The following INSL6 variants were observed in gnomAD, a reference collection of about 807,000 sequenced individuals.
INSL6 encodes the protein insulin like 6, also known as insulin-like peptide INSL6.
In INSL6, 16 loss-of-function variants were observed where a neutral mutation model predicts 9.4. The ratio of observed to expected loss-of-function variants is 1.70; its 90% CI spans 1.15 to 2.59. The LOEUF (loss-of-function observed/expected upper bound fraction) is 2.59, where lower values mean the gene tolerates loss of function less well. Among genes scored for constraint, INSL6 ranks in the 30% most tolerant of loss-of-function variants. The pLI is 0.00. For synonymous variants in INSL6, 154 were observed against 96.9 expected, an observed-to-expected ratio of 1.59 and a Z score of -3.46; for missense variants, 391 against 257.3, an observed-to-expected ratio of 1.52 and a Z score of -3.56.
the INSL6 span, among the ~76,000 whole-genome samples, chr9:5,006,027 G>A: frequency 6.6e-6 from 1 of 152,168 alleles, no homozygotes; most frequent in Non-Finnish European, 1.5e-5. Context: ...CCAATTCTGT[G>A]AAGAAAGTCA....
chr9:5,164,190 T>C lies in INSL6; in HGVS notation c.365A>G (p.Tyr122Cys). The C allele has an allele frequency of 6.2e-7, 1 of 1,605,672 alleles. No homozygotes were observed. The change falls in exon 2 of 2, where the codon TAT (tyrosine) becomes TGT (cysteine). Residue 122 changes from tyrosine (Y) to cysteine (C), a missense_variant. Coordinates refer to ENST00000381641, the MANE Select transcript of INSL6 (RefSeq NM_007179.3). ...SLPEYKDKKG[Y>C]SPLGKTREFS... ...TTCTCTTGTCTTACCAAGGGGTGAATATCCCTTTTTATCCTTATACTCAGG... is the reference window on the plus strand; with the variant it reads ...TTCTCTTGTCTTACCAAGGGGTGAACATCCCTTTTTATCCTTATACTCAGG...
the INSL6 span, chr9:5,089,525 G>C: frequency 5.7e-6 from 2 of 350,992 alleles, no homozygotes; most frequent in East Asian, 4.3e-5. Context: ...GTGACAGAGC[G>C]AGACTTCGTC....
At chr9:5,174,281 T>G (rs764900957) in intron 1 of INSL6, among the ~76,000 whole-genome samples, 2 of 152,228 alleles carry the variant, frequency 1.3e-5, no homozygotes, top group Admixed American at 1.3e-4. Context: ...CAAAACTCCT[T>G]GATAGAGTTT....
chr9:5,101,646 C>T, the INSL6 span, among the ~76,000 whole-genome samples: 4 of 152,230 alleles, frequency 2.6e-5, no homozygotes, highest in Admixed American at 2.6e-4. Context: ...ACACCTCATA[C>T]AGGTGGGTGC....
At chr9:5,161,731 C>T (rs1363993763), downstream of INSL6, among the ~76,000 whole-genome samples, 1 of 152,092 alleles carries the variant, frequency 6.6e-6, no homozygotes, top group African/African-American at 2.4e-5. Context: ...TAAACAAATT[C>T]GGTAAAGTTG....
At chr9:5,116,760 G>A in the INSL6 span, among the ~76,000 whole-genome samples, 1 of 152,174 alleles carries the variant, frequency 6.6e-6, no homozygotes. Context: ...AAAAGGAAAA[G>A]TTTGACGTGA....
chr9:5,166,966 G>C lies in INSL6; in HGVS notation c.290-2701C>G, dbSNP rs185296348. On this transcript the variant is annotated intron_variant, in intron 1 of 1. Transcript: ENST00000381641. Reference sequence around the variant, plus strand: ...AGAAACGGTTCGGGGAAGCAGCCAAGATGGCTGAATAGAAACACCTTTGCT... The same window carrying C: ...AGAAACGGTTCGGGGAAGCAGCCAACATGGCTGAATAGAAACACCTTTGCT... Among the ~76,000 whole-genome samples, 617 of 152,284 alleles carry C rather than the reference G, an allele frequency of 4.1e-3. 3 individuals are homozygous for C. Among genetic ancestry groups the C allele is most frequent in the African/African-American group, 0.014 (592 of 41,570 alleles).
At chr9:5,119,619 G>T (rs1823463748), downstream of INSL6, among the ~76,000 whole-genome samples, 1 of 152,000 alleles carries the variant, frequency 6.6e-6, no homozygotes, top group Non-Finnish European at 1.5e-5. Context: ...GTAAAATATG[G>T]CTAAGATTAT....
the INSL6 span, among the ~76,000 whole-genome samples, chr9:5,028,055 C>G: frequency 6.6e-6 from 1 of 152,208 alleles, no homozygotes; most frequent in Non-Finnish European, 1.5e-5. Flanking sequence ...ATGGTGAACT[C>G]TTTCCATAAG....
At chr9:5,168,356 A>C (rs2130909369) in intron 1 of INSL6, among the ~76,000 whole-genome samples, 1 of 152,344 alleles carries the variant, frequency 6.6e-6, no homozygotes, top group South Asian at 2.1e-4. Context: ...TGTTAACAAG[A>C]ATAACCAGTT....
At chr9:5,129,403 T>C (rs955530377) in intron 3 of INSL6, among the ~76,000 whole-genome samples, 1 of 152,152 alleles carries the variant, frequency 6.6e-6, no homozygotes, top group African/African-American at 2.4e-5. Context: ...CTACAACTGC[T>C]GTCAACCACT....
Position 5,185,609 on chromosome 9 carries a change from G to T in INSL6, c.-7C>A, listed in dbSNP as rs370116140. 1.9e-6 allele frequency: 3 copies of T among 1,608,978 alleles called. No homozygotes were observed. In the Admixed American group the frequency reaches 5.0e-5, roughly 27 times the overall value. On this transcript the variant is annotated 5_prime_UTR_variant, in exon 1 of 2. Coordinates refer to ENST00000381641, the MANE Select transcript of INSL6 (RefSeq NM_007179.3). ...AGCGGAGGAGCCGCGGCATCCCTGT[G>T]ACCCCAGGCTAGTCCTCCGCGTTGT...
In INSL6 at chr9:5,164,245, C is replaced by T. The variant is rs769124888; in HGVS notation, c.310G>A (p.Ala104Thr). 1 of 1,605,624 alleles carries T rather than the reference C, an allele frequency of 6.2e-7. No homozygotes were observed. Among genetic ancestry groups the T allele is most frequent in the South Asian group, 1.1e-5 (1 of 89,292 alleles). Residue 104 changes from alanine (A) to threonine (T), a missense_variant, in exon 2 of 2, where the codon GCA (alanine) becomes ACA (threonine). Ala to Thr is a moderately conservative substitution (Grantham distance 58). Coordinates refer to ENST00000381641, the MANE Select transcript of INSL6 (RefSeq NM_007179.3). ...TNPVSTSWEE[A>T]VNSWEMQSLP... is the part of the protein sequence containing the mutation. ...GACTGCATTTCCCAACTGTTTACTG[C>T]TTCTTCCCAAGAAGTAGACACTGTT...
At chr9:5,030,916 A>G in the INSL6 span, among the ~76,000 whole-genome samples, 1 of 152,186 alleles carries the variant, frequency 6.6e-6, no homozygotes, top group Non-Finnish European at 1.5e-5. Context: ...AAGAAATAAT[A>G]GATGTACAAA....
chr9:5,137,144 C>T (rs1159412272), intron 2 of INSL6, among the ~76,000 whole-genome samples: 1 of 152,188 alleles, frequency 6.6e-6, no homozygotes, highest in Non-Finnish European at 1.5e-5. Context: ...AAAAACATTC[C>T]ATGCTCATGG....
At chr9:5,089,710 C>A in the INSL6 span, 2 of 1,520,034 alleles carry the variant, frequency 1.3e-6, no homozygotes, top group South Asian at 1.3e-5. Context: ...CCGGTATGAC[C>A]CTCTACAGGA....
intron 3 of INSL6, chr9:5,127,837 G>C: frequency 4.3e-6 from 1 of 232,482 alleles, no homozygotes; most frequent in East Asian, 6.0e-5. Context: ...TCAGAATTTT[G>C]CATTGCAGTC....
the INSL6 span, chr9:5,111,649 G>A: frequency 5.1e-6 from 2 of 389,062 alleles, no homozygotes; most frequent in South Asian, 1.9e-5. Flanking sequence ...CATGCCCCTC[G>A]TCCCTCCCGC....
the INSL6 span, among the ~76,000 whole-genome samples, chr9:5,038,615 G>A: frequency 7.5e-6 from 1 of 133,436 alleles, no homozygotes; most frequent in African/African-American, 2.9e-5. Flanking sequence ...TTTTTTTTTG[G>A]ATTTTAGAAT....
Sources: gnomAD v4.1 joint callset for allele counts (sites outside exome capture counted in the v4.1 genomes callset) on GRCh38, gnomAD v4.1.1 for gene constraint, MANE v1.5 for transcripts, NCBI Gene and HGNC (gene_info 2026-07-23, HGNC 2026-07-21) for gene names.